TJP2: variants seen among roughly 807,000 people sequenced by gnomAD.
TJP2 encodes the protein Friedreich ataxia region gene X104 (tight junction protein ZO-2).
A neutral mutation model predicts 133.1 loss-of-function variants in TJP2; 91 were observed. The observed-to-expected ratio is 0.68, with a 90% CI of 0.58 to 0.81. TJP2 has a LOEUF of 0.81. Ranked by LOEUF, TJP2 falls within the 40% of genes least tolerant of loss-of-function variation. The pLI, the probability that TJP2 is intolerant of heterozygous loss-of-function variation, is 0.00. For synonymous variants in TJP2, 592 were observed against 583.4 expected (o/e 1.01, Z -0.21); for missense variants, 1,541 against 1,565.6 (o/e 0.98, Z 0.26).
intron 1 of TJP2, among the ~76,000 whole-genome samples, chr9:69,151,462 A>G (rs74895770): frequency 4.1e-5 from 2 of 49,176 alleles, no homozygotes; most frequent in African/African-American, 1.2e-4. Context: ...CCTGGGCAAC[A>G]AGAGCAAAAC....
chr9:69,225,636 T>C (rs1173716250), intron 6 of TJP2, among the ~76,000 whole-genome samples: 1 of 152,202 alleles, frequency 6.6e-6, no homozygotes, highest in Non-Finnish European at 1.5e-5. Context: ...CCATGAATAT[T>C]TTCTTCTTTC....
rs1822277945 is a variant in TJP2, at chr9:69,125,375, C to G, written c.-131+3650C>G. ...GGGTTGGAGTGCACTGGTGCCATCT[C>G]AGCTCACTGCAACCTCTGCCTCCTG... On this transcript the variant is annotated intron_variant, in intron 1 of 5. Coordinates refer to the TJP2 transcript ENST00000423935. Among the ~76,000 whole-genome samples the G allele has an allele frequency of 3.3e-5, 2 of 60,268 alleles. 1 individual carries two copies. Among genetic ancestry groups the G allele is most frequent in the Non-Finnish European group, 7.1e-5 (2 of 28,130 alleles). The allele number at this position is 60,268 out of a possible 152,430, so 39.5% of individuals were successfully genotyped here. A position where few individuals can be genotyped will look rare whatever the true frequency, so the allele number is the denominator to read the frequency against.
chr9:69,197,758 G>A (rs1330906962), intron 1 of TJP2, among the ~76,000 whole-genome samples: 1 of 152,208 alleles, frequency 6.6e-6, no homozygotes, highest in African/African-American at 2.4e-5. Context: ...GTCTTACCAA[G>A]TGAACTGTTC....
intron 1 of TJP2, among the ~76,000 whole-genome samples, chr9:69,138,977 G>A (rs1479329915): frequency 6.6e-6 from 1 of 151,732 alleles, no homozygotes; most frequent in African/African-American, 2.4e-5. Flanking sequence ...ATTTTGGGAG[G>A]CCAAGGCAGG....
intron 1 of TJP2, among the ~76,000 whole-genome samples, chr9:69,183,817 C>T (rs963822564): frequency 6.6e-6 from 1 of 152,190 alleles, no homozygotes; most frequent in Non-Finnish European, 1.5e-5. Context: ...TCATTGCGAC[C>T]TGTGCCTCCC....
intron 1 of TJP2, among the ~76,000 whole-genome samples, chr9:69,201,475 T>A (rs1826986582): frequency 6.6e-6 from 1 of 151,418 alleles, no homozygotes; most frequent in South Asian, 2.1e-4. Flanking sequence ...CATCTCGGTG[T>A]CCCTGGCTCA....
intron 1 of TJP2, chr9:69,145,929 GTTC>G: frequency 1.9e-6 from 1 of 518,630 alleles, no homozygotes; most frequent in Non-Finnish European, 3.0e-6. Flanking sequence ...TAATAAATGA[GTTC>G]TTCATTAAGA....
intron 11 of TJP2, among the ~76,000 whole-genome samples, 161 bp from the exon 12 acceptor site, chr9:69,234,278 A>G (rs1478693359): frequency 1.3e-5 from 2 of 152,182 alleles, no homozygotes; most frequent in African/African-American, 2.4e-5. Flanking sequence ...TAGTGACATT[A>G]AGGACTCATT....
chr9:69,254,476 G>A lies in TJP2; in HGVS notation c.*102G>A. The A allele has an allele frequency of 2.0e-6, 3 of 1,473,206 alleles. No homozygotes were observed. Among genetic ancestry groups the A allele is most frequent in the Non-Finnish European group, 2.8e-6 (3 of 1,067,638 alleles). 91.3% of individuals were successfully genotyped at this position (1,473,206 alleles called of 1,614,324 possible). ...TCTTCTCCAGTTAGAATGCACCATG[G>A]AGACGTGGTGGGACTCCAGCTCGTG... On this transcript the variant is annotated 3_prime_UTR_variant, in exon 23 of 23. Transcript: ENST00000377245.
At chr9:69,235,917 T>G in intron 12 of TJP2, 111 bp from the exon 13 acceptor site, 1 of 1,007,764 alleles carries the variant, frequency 9.9e-7, no homozygotes, top group Non-Finnish European at 1.5e-6. Context: ...ACTTGTGCAC[T>G]GAATGGAAGG....
At position 69,253,010 on chromosome 9, in the gene TJP2, C is replaced by T. The variant is rs533167490; in HGVS notation, c.3407+110C>T. On this transcript the variant is annotated intron_variant, in intron 22 of 22. Coordinates refer to ENST00000377245, the MANE Select transcript of TJP2 (RefSeq NM_004817.4). ...TTCAGAGTAACAGGAGGATTTTTTC[C>T]CCACAGATTGACTGTTTGCCTTACT... 1.9e-4 allele frequency: 180 copies of T among 972,194 alleles called. 2 individuals carry two copies. The East Asian group carries it at 4.6e-3, about 25-fold the overall frequency. 60.2% of individuals were successfully genotyped at this position (972,194 alleles called of 1,614,324 possible). A position where few individuals can be genotyped will look rare whatever the true frequency, so the allele number is the denominator to read the frequency against.
At chr9:69,230,737 G>A (rs760598407) in intron 11 of TJP2, among the ~76,000 whole-genome samples, 12 of 152,250 alleles carry the variant, frequency 7.9e-5, no homozygotes, top group Non-Finnish European at 1.2e-4. Flanking sequence ...ATGGGGATGA[G>A]AATACCTGCC....
At chr9:69,209,570 A>G (rs1827704238) in intron 1 of TJP2, among the ~76,000 whole-genome samples, 1 of 148,212 alleles carries the variant, frequency 6.7e-6, no homozygotes, top group East Asian at 2.2e-4. Context: ...CCTGACCAGC[A>G]TGGTGAAACC....
intron 22 of TJP2, 166 bp from the exon 23 acceptor site, chr9:69,254,043 G>T: frequency 1.2e-6 from 1 of 800,872 alleles, no homozygotes; most frequent in Non-Finnish European, 2.1e-6. Flanking sequence ...GACCTATTAC[G>T]AACCTGGAGC....
At chr9:69,223,894 C>G (rs562271652) in intron 5 of TJP2, among the ~76,000 whole-genome samples, 26 of 152,148 alleles carry the variant, frequency 1.7e-4, no homozygotes, top group Non-Finnish European at 3.2e-4. Flanking sequence ...GACTTCATAC[C>G]TTTCCTGAAT....
intron 11 of TJP2, among the ~76,000 whole-genome samples, chr9:69,230,672 T>C (rs901133674): frequency 2.6e-5 from 4 of 152,198 alleles, no homozygotes; most frequent in Non-Finnish European, 5.9e-5. Flanking sequence ...TCCCAGCCTC[T>C]GATTAGTTCT....
chr9:69,226,525 G>A (rs1412920210), intron 7 of TJP2, among the ~76,000 whole-genome samples: 1 of 152,016 alleles, frequency 6.6e-6, no homozygotes, highest in Non-Finnish European at 1.5e-5. Context: ...TTGAGACAGA[G>A]TTTCCCTCTG....
intron 1 of TJP2, among the ~76,000 whole-genome samples, chr9:69,210,357 G>A (rs1482323451): frequency 7.6e-6 from 1 of 131,794 alleles, no homozygotes; most frequent in Non-Finnish European, 1.5e-5. Flanking sequence ...AATGATGAAT[G>A]AATAGTGTAT....
At chr9:69,228,313 A>C (rs1014148727) in intron 9 of TJP2, among the ~76,000 whole-genome samples, 199 bp downstream of exon 9, 5 of 152,236 alleles carry the variant, frequency 3.3e-5, no homozygotes, top group African/African-American at 1.2e-4. Flanking sequence ...CATTGGGTAC[A>C]AATGGACATA....
Sources: gnomAD v4.1 joint callset for allele counts (sites outside exome capture counted in the v4.1 genomes callset) on GRCh38, gnomAD v4.1.1 for gene constraint, MANE v1.5 for transcripts, NCBI Gene and HGNC (gene_info 2026-07-23, HGNC 2026-07-21) for gene names.